The following TUSC3 variants were observed in gnomAD, a reference collection of about 807,000 sequenced individuals.
The protein encoded by TUSC3 is tumor suppressor candidate 3.
Under a neutral mutation model 44.8 loss-of-function variants are expected in TUSC3, and 45 were observed. The ratio of observed to expected loss-of-function variants is 1.00; its 90% CI spans 0.79 to 1.29. The LOEUF is 1.29. Among genes scored for constraint, TUSC3 ranks in the 50% most tolerant of loss-of-function variants. The pLI is 0.00. For missense variants in TUSC3, 519 were observed against 437.9 expected (o/e 1.19, Z -1.65); for synonymous variants, 212 against 152.9 (o/e 1.39, Z -2.85).
In TUSC3 at chr8:15,668,933, G is replaced by A. The variant is rs770578847; in HGVS notation, c.709-4814G>A. ...CTCGAGTCTCGGGATGTATGCTGGT[G>A]GTAAATGGATAAGTTTCCCAAGTGG... On this transcript the variant is annotated intron_variant, in intron 5 of 10. Transcript: ENST00000503731. 5.3e-5 allele frequency among the ~76,000 whole-genome samples: 8 copies of A among 151,786 alleles called. No homozygotes were observed. The South Asian group carries it at 1.0e-3, about 20-fold the overall frequency.
intron 1 of TUSC3, among the ~76,000 whole-genome samples, chr8:15,622,216 C>A (rs1156683541): frequency 6.6e-6 from 1 of 152,112 alleles, no homozygotes; most frequent in Non-Finnish European, 1.5e-5. Context: ...TGTAGGAATA[C>A]AGTGTTGTAG....
At chr8:15,757,332 A>G (rs1296007769) in intron 9 of TUSC3, among the ~76,000 whole-genome samples, 1 of 152,198 alleles carries the variant, frequency 6.6e-6, no homozygotes, top group Admixed American at 6.5e-5. Context: ...CAGTAAGGAA[A>G]TGTACAGAAT....
intron 6 of TUSC3, among the ~76,000 whole-genome samples, chr8:15,729,686 C>T (rs1314286145): frequency 6.6e-6 from 1 of 151,978 alleles, no homozygotes; most frequent in East Asian, 1.9e-4. Context: ...GAGAGGGGAA[C>T]AGTAGACCCT....
At chr8:15,476,261 C>T (rs985237751) in intron 1 of TUSC3, among the ~76,000 whole-genome samples, 1 of 152,176 alleles carries the variant, frequency 6.6e-6, no homozygotes, top group African/African-American at 2.4e-5. Flanking sequence ...TACACGAATT[C>T]ATCATAAATA....
the TUSC3 span, among the ~76,000 whole-genome samples, chr8:15,772,719 A>G: frequency 6.6e-6 from 1 of 152,232 alleles, no homozygotes; most frequent in African/African-American, 2.4e-5. Flanking sequence ...TATGTAATTA[A>G]TTATCTCTTA....
At chr8:15,797,070 C>A in the TUSC3 span, among the ~76,000 whole-genome samples, 1 of 152,298 alleles carries the variant, frequency 6.6e-6, no homozygotes, top group East Asian at 1.9e-4. Context: ...GAGGACAAGT[C>A]CAGACCCTAA....
chr8:15,760,222 A>G (rs1416842939), intron 10 of TUSC3, among the ~76,000 whole-genome samples: 5 of 152,200 alleles, frequency 3.3e-5, no homozygotes, highest in African/African-American at 1.2e-4. Context: ...AGCAAAATGA[A>G]GAAAATATAT....
At chr8:15,450,860 G>C (rs998831439) in intron 1 of TUSC3, among the ~76,000 whole-genome samples, 1 of 152,078 alleles carries the variant, frequency 6.6e-6, no homozygotes, top group African/African-American at 2.4e-5. Flanking sequence ...GAGGACTTGA[G>C]AAGTAGGCTT....
At chr8:15,799,534 G>C in the TUSC3 span, among the ~76,000 whole-genome samples, 1 of 152,156 alleles carries the variant, frequency 6.6e-6, no homozygotes, top group South Asian at 2.1e-4. Context: ...TCCTGGTATT[G>C]TCAGCTGTGA....
At position 15,600,519 on chromosome 8, in the gene TUSC3, A is replaced by G. The variant is rs566061579; in HGVS notation, c.139-22561A>G. Among the ~76,000 whole-genome samples, 4 of 151,772 alleles carry G rather than the reference A, an allele frequency of 2.6e-5. No homozygotes were observed. The South Asian group carries it at 8.3e-4, about 31-fold the overall frequency. On this transcript the variant is annotated intron_variant, in intron 1 of 10. Coordinates refer to ENST00000503731, the MANE Select transcript of TUSC3 (RefSeq NM_006765.4). Reference sequence around the variant, plus strand: ...CATTTTTATCATTATTGTGACCGTTAAATTTGTTAGGCAAATAGAAGATGC... The same window carrying G: ...CATTTTTATCATTATTGTGACCGTTGAATTTGTTAGGCAAATAGAAGATGC...
chr8:15,785,980 TTTAAC>T, the TUSC3 span, among the ~76,000 whole-genome samples: 1 of 152,220 alleles, frequency 6.6e-6, no homozygotes, highest in Non-Finnish European at 1.5e-5. Flanking sequence ...TGAAAGGCAA[TTTAAC>T]TTAAATAGGA....
At chr8:15,720,510 G>C (rs933453944) in intron 6 of TUSC3, among the ~76,000 whole-genome samples, 15 of 151,846 alleles carry the variant, frequency 9.9e-5, no homozygotes, top group African/African-American at 3.4e-4. Context: ...TCTTAGACAC[G>C]TTTCATTTAT....
chr8:15,769,956 C>G (rs890788003), downstream of TUSC3, among the ~76,000 whole-genome samples: 3 of 152,180 alleles, frequency 2.0e-5, no homozygotes, highest in Non-Finnish European at 4.4e-5. Context: ...TGCTTTTACA[C>G]TGTTGGTGGG....
intron 2 of TUSC3, among the ~76,000 whole-genome samples, chr8:15,499,211 C>G (rs767108868): frequency 6.6e-6 from 1 of 152,124 alleles, no homozygotes; most frequent in Non-Finnish European, 1.5e-5. Flanking sequence ...TACTCTCTAT[C>G]CTTCTGCCTC....
At chr8:15,527,914 C>A (rs1488583967) in intron 2 of TUSC3, among the ~76,000 whole-genome samples, 1 of 152,128 alleles carries the variant, frequency 6.6e-6, no homozygotes, top group African/African-American at 2.4e-5. Context: ...AAACAATTTT[C>A]TTTTAGTAAT....
At chr8:15,502,443 C>T (rs1385524629) in intron 2 of TUSC3, among the ~76,000 whole-genome samples, 1 of 152,130 alleles carries the variant, frequency 6.6e-6, no homozygotes, top group African/African-American at 2.4e-5. Flanking sequence ...TATTAGAGCT[C>T]CTATGTCGGA....
chr8:15,587,482 A>G (rs1488403324), intron 1 of TUSC3, among the ~76,000 whole-genome samples: 2 of 152,144 alleles, frequency 1.3e-5, no homozygotes, highest in African/African-American at 4.8e-5. Flanking sequence ...ACGGAGTGAT[A>G]TTTCCATGTA....
intron 6 of TUSC3, among the ~76,000 whole-genome samples, chr8:15,707,126 A>T (rs552514104): frequency 6.6e-6 from 1 of 152,140 alleles, no homozygotes; most frequent in South Asian, 2.1e-4. Flanking sequence ...AAACTAACCT[A>T]ATTTTATATC....
At chr8:15,804,292 A>C in the TUSC3 span, among the ~76,000 whole-genome samples, 1 of 151,886 alleles carries the variant, frequency 6.6e-6, no homozygotes, top group Admixed American at 6.6e-5. Context: ...TACACTCTTT[A>C]CTCTGTTTAT....
Sources: allele counts gnomAD v4.1 joint callset (sites outside exome capture counted in the v4.1 genomes callset), GRCh38; gene constraint gnomAD v4.1.1; transcripts MANE v1.5; gene names NCBI Gene and HGNC (gene_info 2026-07-23, HGNC 2026-07-21).